The following ASPM variants were observed in gnomAD, a reference collection of about 807,000 sequenced individuals.
ASPM encodes the protein assembly factor for spindle microtubules.
In ASPM, 256 loss-of-function variants were observed where a neutral mutation model predicts 366.4. The ratio of observed to expected loss-of-function variants is 0.70; its 90% CI spans 0.63 to 0.77. The LOEUF (loss-of-function observed/expected upper bound fraction) is 0.77. ASPM is among the 30% of genes least tolerant of loss of function. The pLI, the probability that ASPM is intolerant of heterozygous loss-of-function variation, is 0.00. For missense variants in ASPM, 4,146 were observed against 4,090.4 expected (o/e 1.01, Z -0.37); for synonymous variants, 1,414 against 1,342.9 (o/e 1.05, Z -1.16).
Position 197,105,565 on chromosome 1 carries a change from C to CT in ASPM, c.4066-381dup, listed in dbSNP as rs546706807. ...TTATTTCTGGGCCTTATATGGTCCC[C>CT]TTACTTCAATGTTTCTAAGCTACCT... On this transcript the variant is annotated intron_variant, in intron 17 of 27. Transcript: ENST00000367409. 2.4e-4 allele frequency among the ~76,000 whole-genome samples: 37 copies of CT among 152,018 alleles called. 1 individual carries two copies. The highest frequency in any genetic ancestry group is 5.3e-4 in the Admixed American group (8 of 15,214).
Position 197,101,887 on chromosome 1 carries a change from A to G in ASPM, c.7364T>C (p.Leu2455Ser). Residue 2455 changes from leucine (L) to serine (S), a missense_variant, in exon 18 of 28, where the codon TTG (leucine) becomes TCG (serine). This residue lies in a region of ASPM where 3,624 missense variants were observed against 3,591.7 expected (regional missense o/e 1.01). Coordinates refer to ENST00000367409, the MANE Select transcript of ASPM (RefSeq NM_018136.5). The part of the protein sequence containing the change: ...ICAKHKLYQF[L>S]HLRKAAITIQ... ...TGTAATGGCTGCCTTTCTTAAGTGC[A>G]AGAATTGGTACAATTTATGTTTGGC... The G allele has an allele frequency of 6.2e-7, 1 of 1,612,884 alleles. No homozygotes were observed. Among genetic ancestry groups the G allele is most frequent in the Non-Finnish European group, 8.5e-7 (1 of 1,179,320 alleles).
intron 10 of ASPM, among the ~76,000 whole-genome samples, chr1:197,125,915 CAT>C (rs1658077551): frequency 6.6e-6 from 1 of 152,120 alleles, no homozygotes; most frequent in Non-Finnish European, 1.5e-5. Context: ...CTAGGCCAAC[CAT>C]CCAGTCAATT....
Position 197,091,909 on chromosome 1 carries a change from G to C in ASPM, c.9442C>G (p.Gln3148Glu), listed in dbSNP as rs1656796866. Reference protein sequence around the residue: ...NKQVNSVICIQRWFRARLQEK... With the variant: ...NKQVNSVICIERWFRARLQEK... ...TTTACTGCAAAGAAGAAGCAAACCT[G>C]AATACAGATGACTGAATTAACCTGC... The change falls in exon 22 of 28, where the codon CAG (glutamine) becomes GAG (glutamate). Residue 3148 changes from glutamine to glutamate, a missense_variant and splice_region_variant. By Grantham distance (29) the Gln-to-Glu change is conservative. Coordinates refer to ENST00000367409, the MANE Select transcript of ASPM (RefSeq NM_018136.5). The C allele has an allele frequency of 6.2e-7, 1 of 1,609,622 alleles. No homozygotes were observed. The highest frequency in any genetic ancestry group is 1.3e-5 in the African/African-American group (1 of 74,734).
chr1:197,104,635 G>T lies in ASPM; in HGVS notation c.4616C>A (p.Ala1539Asp), dbSNP rs961387229. 1 of 1,612,974 alleles carries T rather than the reference G, an allele frequency of 6.2e-7. No individual in the cohort carries two copies. Among genetic ancestry groups the T allele is most frequent in the Non-Finnish European group, 8.5e-7 (1 of 1,179,392 alleles). The change falls in exon 18 of 28, where the codon GCT (alanine) becomes GAT (aspartate). Residue 1539 changes from alanine (A) to aspartate (D), a missense_variant. Coordinates refer to ENST00000367409, the MANE Select transcript of ASPM (RefSeq NM_018136.5). ...AGCAGCTTGTAATTGAATGGCTGCA[G>T]CTCGTTTCTGCAAATAGTTGGTGCG... Reference protein sequence around the residue: ...IERTNYLQKRAAAIQLQAAFR... With the variant: ...IERTNYLQKRDAAIQLQAAFR...
intron 20 of ASPM, among the ~76,000 whole-genome samples, 181 bp from the exon 21 acceptor site, chr1:197,093,442 C>G (rs1027900717): frequency 6.6e-6 from 1 of 151,772 alleles, no homozygotes; most frequent in Non-Finnish European, 1.5e-5. Flanking sequence ...AGGTCTATAG[C>G]CAAGATGAAG....
rs1411046226 is a variant in ASPM, at chr1:197,101,584, G to C, written c.7667C>G (p.Ala2556Gly). 1 of 1,609,702 alleles carries C rather than the reference G, an allele frequency of 6.2e-7. No individual in the cohort carries two copies. Among genetic ancestry groups the C allele is most frequent in the South Asian group, 1.1e-5 (1 of 91,036 alleles). Residue 2556 changes from alanine (A) to glycine (G), a missense_variant, in exon 18 of 28, where the codon GCT (alanine) becomes GGT (glycine). By Grantham distance (60) the Ala-to-Gly change is moderately conservative (BLOSUM62 0). Around this residue, in one of 3 missense-constraint regions of ASPM, gnomAD observed 3,624 missense variants for 3,591.7 expected, o/e 1.01. Coordinates refer to ENST00000367409, the MANE Select transcript of ASPM (RefSeq NM_018136.5). ...GTAGGTGCTTTGTATTACGATAGAA[G>C]CTTTGTGTTTTTCCCTTAAAAGTTG... is the stretch of plus-strand genomic sequence containing the variant. The part of the protein sequence containing the change: ...ARQLLREKHK[A>G]SIVIQSTYRM...
chr1:197,100,737 A>C lies in ASPM; in HGVS notation c.8514T>G (p.Cys2838Trp). Residue 2838 changes from cysteine (C) to tryptophan (W), a missense_variant, in exon 18 of 28, where the codon TGT becomes TGG. Coordinates refer to ENST00000367409, the MANE Select transcript of ASPM (RefSeq NM_018136.5). ...MVTRKLETQK[C>W]AALRIQFFLQ... is the part of the protein sequence containing the mutation. ...GGAAGAACTGAATCCGTAGGGCAGCACATTTCTGTGTTTCCAGTTTTCTTG... is the reference window on the plus strand; with the variant it reads ...GGAAGAACTGAATCCGTAGGGCAGCCCATTTCTGTGTTTCCAGTTTTCTTG... The C allele has an allele frequency of 6.2e-7, 1 of 1,612,534 alleles. No homozygotes were observed. The highest frequency in any genetic ancestry group is 1.1e-5 in the South Asian group (1 of 91,066).
chr1:197,113,052 T>C (rs1417123698), intron 17 of ASPM, among the ~76,000 whole-genome samples: 1 of 152,178 alleles, frequency 6.6e-6, no homozygotes, highest in African/African-American at 2.4e-5. Flanking sequence ...AAAAAAATTA[T>C]GTCCTTTGCA....
chr1:197,124,216 T>G lies in ASPM; in HGVS notation c.3284A>C (p.Asn1095Thr). 1 of 1,610,808 alleles carries G rather than the reference T, an allele frequency of 6.2e-7. No individual in the cohort carries two copies. The highest frequency in any genetic ancestry group is 8.5e-7 in the Non-Finnish European group (1 of 1,177,358). Residue 1095 changes from asparagine (N) to threonine (T), a missense_variant, in exon 13 of 28, where the codon AAT becomes ACT. By Grantham distance (65) the Asn-to-Thr change is moderately conservative. Transcript: ENST00000367409. ...LLSCHSDDLINKKKGKRDSGS... is the reference protein window; with the variant it reads ...LLSCHSDDLITKKKGKRDSGS... Reference sequence around the variant, plus strand: ...ACTATCCCTTTTGCCTTTTTTCTTATTAATAAGATCATCAGAATGGCATGA... The same window carrying G: ...ACTATCCCTTTTGCCTTTTTTCTTAGTAATAAGATCATCAGAATGGCATGA...
chr1:197,098,503 C>T (rs534721817), intron 18 of ASPM, among the ~76,000 whole-genome samples: 11 of 151,576 alleles, frequency 7.3e-5, no homozygotes, highest in Non-Finnish European at 1.5e-4. Context: ...GTTATTTTGG[C>T]TATTTAATCA....
chr1:197,142,136 CAAGA>C (rs1289207257), intron 3 of ASPM, among the ~76,000 whole-genome samples, 191 bp downstream of exon 3: 1 of 152,078 alleles, frequency 6.6e-6, no homozygotes, highest in Non-Finnish European at 1.5e-5. Flanking sequence ...AACATATCTA[CAAGA>C]AACAGCAAAA....
chr1:197,123,047 C>T (rs1482002131), intron 13 of ASPM, among the ~76,000 whole-genome samples: 1 of 152,156 alleles, frequency 6.6e-6, no homozygotes, highest in African/African-American at 2.4e-5. Flanking sequence ...TAACCTTGTT[C>T]ACAGGTGTTT....
At chr1:197,144,673 C>T (rs1658709670) in intron 1 of ASPM, among the ~76,000 whole-genome samples, 1 of 152,184 alleles carries the variant, frequency 6.6e-6, no homozygotes, top group South Asian at 2.1e-4. Flanking sequence ...AAGTAACTAA[C>T]ATCCAGAAAA....
intron 7 of ASPM, among the ~76,000 whole-genome samples, chr1:197,130,911 T>A (rs1658236542): frequency 6.6e-6 from 1 of 152,174 alleles, no homozygotes; most frequent in Non-Finnish European, 1.5e-5. Context: ...ACAAATTACA[T>A]CCAAGAGGTT....
At chr1:197,119,465 T>A (rs1004408637) in intron 16 of ASPM, among the ~76,000 whole-genome samples, 1 of 152,172 alleles carries the variant, frequency 6.6e-6, no homozygotes, top group Non-Finnish European at 1.5e-5. Context: ...GTAACTTATC[T>A]CAGTTTTTAG....
At chr1:197,138,852 A>G in intron 4 of ASPM, 2 of 879,316 alleles carry the variant, frequency 2.3e-6, no homozygotes, top group Non-Finnish European at 3.8e-6. Context: ...TTCTCCTTCC[A>G]GTTGTTTTTT....
At chr1:197,141,853 G>T (rs1410071841) in intron 3 of ASPM, among the ~76,000 whole-genome samples, 1 of 152,064 alleles carries the variant, frequency 6.6e-6, no homozygotes, top group Non-Finnish European at 1.5e-5. Flanking sequence ...CCTTAGATTT[G>T]TCAAGAGGTA....
intron 19 of ASPM, among the ~76,000 whole-genome samples, chr1:197,095,166 T>C (rs1656931033): frequency 6.6e-6 from 1 of 151,784 alleles, no homozygotes; most frequent in Non-Finnish European, 1.5e-5. Flanking sequence ...GTTGCCCTAT[T>C]GTGCTACTAA....
chr1:197,104,443 T>A lies in ASPM; in HGVS notation c.4808A>T (p.Lys1603Met), dbSNP rs1054410532. Reference protein sequence around the residue: ...VRKHQQRQKYKKMKKAAVIIQ... With the variant: ...VRKHQQRQKYMKMKKAAVIIQ... ...TATAACAGCTGCTTTCTTCATCTTC[T>A]TATATTTCTGTCGTTGTTGATGTTT... Residue 1603 changes from lysine to methionine, a missense_variant, in exon 18 of 28, where the codon AAG (lysine) becomes ATG (methionine). Physicochemically the swap from Lys to Met is moderately conservative, Grantham distance 95. Transcript: ENST00000367409. 1.2e-6 allele frequency: 2 copies of A among 1,612,986 alleles called. No individual in the cohort carries two copies. The highest frequency in any genetic ancestry group is 1.7e-6 in the Non-Finnish European group (2 of 1,179,404).
Sources: allele counts gnomAD v4.1 joint callset (sites outside exome capture counted in the v4.1 genomes callset), GRCh38; gene constraint gnomAD v4.1.1; regional missense constraint gnomAD v4.1.1; transcripts MANE v1.5; gene names NCBI Gene and HGNC (gene_info 2026-07-23, HGNC 2026-07-21).